Variants in LCA5 observed in about 807,000 individuals in gnomAD.
The protein encoded by LCA5 is lebercilin LCA5.
A neutral mutation model predicts 53.0 loss-of-function variants in LCA5; 37 were observed. That is an observed-to-expected ratio of 0.70 (90% confidence interval 0.54 to 0.92). The LOEUF (loss-of-function observed/expected upper bound fraction) is 0.92. Ranked by LOEUF, LCA5 falls within the 40% of genes least tolerant of loss-of-function variation. The pLI, the probability that LCA5 is intolerant of heterozygous loss-of-function variation, is 0.00. For missense variants in LCA5, 806 were observed against 790.5 expected, an observed-to-expected ratio of 1.02 and a Z score of -0.23; for synonymous variants, 303 against 282.9, an observed-to-expected ratio of 1.07 and a Z score of -0.71.
At chr6:79,499,219 T>A (rs987615117) in intron 3 of LCA5, among the ~76,000 whole-genome samples, 2 of 152,126 alleles carry the variant, frequency 1.3e-5, no homozygotes, top group Non-Finnish European at 2.9e-5. Context: ...AGTGGTGACA[T>A]CTGAGTGGTA....
At chr6:79,518,346 T>C (rs1221697753) in intron 2 of LCA5, among the ~76,000 whole-genome samples, 1 of 152,216 alleles carries the variant, frequency 6.6e-6, no homozygotes. Context: ...CGATGCTTTT[T>C]CTACTTTCAA....
At chr6:79,526,460 C>T (rs1372180745) in intron 1 of LCA5, among the ~76,000 whole-genome samples, 2 of 152,078 alleles carry the variant, frequency 1.3e-5, no homozygotes, top group Non-Finnish European at 2.9e-5. Flanking sequence ...AGGAGAATGG[C>T]GTGAACCCAG....
In LCA5 at chr6:79,518,706, T is replaced by C. The variant is rs772195284; in HGVS notation, c.189A>G (p.Gln63=). Residue 63 remains glutamine, a splice_region_variant and synonymous_variant, in exon 2 of 8, where the codon CAA becomes CAG. Transcript: ENST00000369846. ...RQTSDGQVHH[Q]APRKPSPKGL... The stretch of plus-strand genomic sequence containing the variant: ...CAGACTCTTTTAAAGAATGCTTACC[T>C]TGGTGATGTACTTGGCCATCTGAAG... 1 of 1,614,070 alleles carries C rather than the reference T, an allele frequency of 6.2e-7. No individual in the cohort carries two copies. The highest frequency in any genetic ancestry group is 1.3e-5 in the African/African-American group (1 of 75,046).
chr6:79,538,414 A>C (rs1465287619), upstream of LCA5, among the ~76,000 whole-genome samples: 1 of 152,128 alleles, frequency 6.6e-6, no homozygotes, highest in Non-Finnish European at 1.5e-5. Context: ...CTGTCAATAC[A>C]TTTTACTTCA....
chr6:79,491,454 C>T (rs896514141), intron 6 of LCA5, 134 bp downstream of exon 6: 10 of 921,138 alleles, frequency 1.1e-5, no homozygotes, highest in Admixed American at 8.1e-5. Context: ...ACCTCTTTCC[C>T]TTCAAAAAGG....
rs1291033759 is a variant in LCA5 at position 79,513,662 on chromosome 6, T to C, written c.270A>G (p.Arg90=). 3 of 1,613,848 alleles carry C rather than the reference T, an allele frequency of 1.9e-6. No individual in the cohort carries two copies. The highest frequency in any genetic ancestry group is 8.5e-7 in the Non-Finnish European group (1 of 1,179,808). The change falls in exon 3 of 8, where the codon AGA becomes AGG. Residue 90 remains arginine (R), a synonymous_variant. Coordinates refer to ENST00000369846, the MANE Select transcript of LCA5 (RefSeq NM_001122769.3). ...RVGFRSQSLN[R]EPLRKDTDLV... ...GATCAGTATCTTTCCGAAGTGGCTC[T>C]CTATTGAGGCTCTGGGAGCGAAATC...
intron 5 of LCA5, among the ~76,000 whole-genome samples, chr6:79,492,300 T>G (rs537155458): frequency 5.3e-5 from 8 of 151,984 alleles, no homozygotes; most frequent in Non-Finnish European, 8.8e-5. Flanking sequence ...TTCAAAAACA[T>G]TAAAAAATTA....
At chr6:79,494,278 A>G (rs559018029) in intron 3 of LCA5, among the ~76,000 whole-genome samples, 1 of 152,308 alleles carries the variant, frequency 6.6e-6, no homozygotes, top group East Asian at 1.9e-4. Context: ...TGGGCAAATA[A>G]GATACCAAGA....
intron 4 of LCA5, among the ~76,000 whole-genome samples, chr6:79,493,073 C>T (rs1769886512): frequency 6.7e-6 from 1 of 148,344 alleles, no homozygotes; most frequent in South Asian, 2.1e-4. Context: ...ATTTGATTAA[C>T]AAAAAGAAAA....
At chr6:79,524,084 C>G (rs551043673) in intron 1 of LCA5, among the ~76,000 whole-genome samples, 1 of 152,156 alleles carries the variant, frequency 6.6e-6, no homozygotes, top group Non-Finnish European at 1.5e-5. Flanking sequence ...TTTCTTATAT[C>G]ACTAATATCT....
intron 1 of LCA5, among the ~76,000 whole-genome samples, chr6:79,531,423 T>G (rs1448988753): frequency 6.6e-6 from 1 of 152,186 alleles, no homozygotes; most frequent in East Asian, 1.9e-4. Flanking sequence ...CATGTTCTGT[T>G]GCATCTGCAA....
intron 1 of LCA5, among the ~76,000 whole-genome samples, chr6:79,526,837 C>T (rs1766804331): frequency 1.3e-5 from 2 of 152,158 alleles, no homozygotes. Context: ...CAGGAAAAAA[C>T]TTGGGATTGT....
chr6:79,513,876 A>G (rs1266459739), intron 2 of LCA5, 135 bp from the exon 3 acceptor site: 1 of 825,150 alleles, frequency 1.2e-6, no homozygotes, highest in African/African-American at 1.7e-5. Flanking sequence ...AATATTTAGT[A>G]AAGTATCAAG....
intron 1 of LCA5, among the ~76,000 whole-genome samples, chr6:79,521,676 T>C (rs1380842795): frequency 6.6e-6 from 1 of 152,178 alleles, no homozygotes; most frequent in African/African-American, 2.4e-5. Context: ...TTCTTCACTT[T>C]GTCCACTGAA....
At chr6:79,508,164 A>G (rs1770318803) in intron 3 of LCA5, among the ~76,000 whole-genome samples, 1 of 152,168 alleles carries the variant, frequency 6.6e-6, no homozygotes, top group Non-Finnish European at 1.5e-5. Flanking sequence ...AATCCCATCA[A>G]GTATTTCTCC....
At chr6:79,495,892 G>C (rs1307831374) in intron 3 of LCA5, among the ~76,000 whole-genome samples, 3 of 151,712 alleles carry the variant, frequency 2.0e-5, no homozygotes, top group Admixed American at 2.0e-4. Context: ...AAAAATCTTT[G>C]CATAAGTAGA....
upstream of LCA5, among the ~76,000 whole-genome samples, chr6:79,538,151 T>TAA (rs397765826): frequency 2.5e-4 from 37 of 147,552 alleles, no homozygotes; most frequent in East Asian, 2.4e-3. Context: ...ACAGGGAAGG[T>TAA]AAAAAAAAAT....
intron 3 of LCA5, 49 bp downstream of exon 3, chr6:79,513,163 A>C: frequency 6.5e-7 from 1 of 1,546,774 alleles, no homozygotes; most frequent in Non-Finnish European, 8.9e-7. Context: ...TTAAATGCCC[A>C]ATGAGAAACA....
Position 79,504,054 on chromosome 6 carries a change from A to G in LCA5, c.720+9158T>C, listed in dbSNP as rs529948553. On this transcript the variant is annotated intron_variant, in intron 3 of 7. Coordinates refer to ENST00000369846, the MANE Select transcript of LCA5 (RefSeq NM_001122769.3). ...ATGTAAATGCTCTAGAATTTCCTGG[A>G]ATGATAATAACCACAAGAAAGGCCA... 4.6e-5 allele frequency among the ~76,000 whole-genome samples: 7 copies of G among 152,286 alleles called. No individual in the cohort carries two copies. In the East Asian group the frequency reaches 1.4e-3, roughly 29 times the overall value.
Sources: gnomAD v4.1 joint callset for allele counts (sites outside exome capture counted in the v4.1 genomes callset) on GRCh38, gnomAD v4.1.1 for gene constraint, MANE v1.5 for transcripts, NCBI Gene and HGNC (gene_info 2026-07-23, HGNC 2026-07-21) for gene names.